The following FGL1 variants were observed in gnomAD, a reference collection of about 807,000 sequenced individuals.
FGL1 encodes fibrinogen-like protein 1.
In FGL1, 59 loss-of-function variants were observed where a neutral mutation model predicts 43.7. The observed-to-expected ratio is 1.35, with a 90% confidence interval of 1.10 to 1.68. The LOEUF is 1.68. FGL1 is among the 40% of genes most tolerant of loss of function. FGL1 has a pLI of 0.00. For missense variants in FGL1, 596 were observed against 373.0 expected (o/e 1.60, Z -4.92); for synonymous variants, 192 against 126.5 (o/e 1.52, Z -3.48).
chr8:17,893,399 A>T (rs897913564), intron 1 of FGL1, among the ~76,000 whole-genome samples: 1 of 150,634 alleles, frequency 6.6e-6, no homozygotes, highest in African/African-American at 2.4e-5. Flanking sequence ...TAACATTATT[A>T]TACATAATAT....
intron 5 of FGL1, among the ~76,000 whole-genome samples, chr8:17,871,796 G>A (rs1263408451): frequency 3.3e-5 from 5 of 152,112 alleles, no homozygotes; most frequent in South Asian, 2.1e-4. Context: ...TGAAAAACAC[G>A]TTTTTTCTCC....
chr8:17,867,560 T>G (rs2053288588), intron 7 of FGL1, among the ~76,000 whole-genome samples: 1 of 152,236 alleles, frequency 6.6e-6, no homozygotes, highest in African/African-American at 2.4e-5. Flanking sequence ...TATGTCAGCA[T>G]TACAGCTCTT....
chr8:17,869,598 G>A (rs754313519), intron 5 of FGL1, among the ~76,000 whole-genome samples: 19 of 152,164 alleles, frequency 1.2e-4, no homozygotes, highest in Admixed American at 2.6e-4. Flanking sequence ...TTTGATACTG[G>A]CTCATAAGAT....
chr8:17,887,120 G>C (rs537251298), intron 1 of FGL1, among the ~76,000 whole-genome samples: 1 of 152,062 alleles, frequency 6.6e-6, no homozygotes, highest in Non-Finnish European at 1.5e-5. Flanking sequence ...AAAGGGTGAG[G>C]CTTTCCCAGG....
intron 3 of FGL1, 64 bp from the exon 4 acceptor site, chr8:17,874,585 G>A (rs1056520106): frequency 3.0e-5 from 40 of 1,345,164 alleles, no homozygotes; most frequent in Non-Finnish European, 4.1e-5. Context: ...GCCTTAGGGA[G>A]CCTCTGAATG....
Position 17,868,499 on chromosome 8 carries a change from A to C in FGL1, c.779+49T>G, listed in dbSNP as rs1314845385. 5.1e-6 allele frequency: 7 copies of C among 1,385,662 alleles called. No homozygotes were observed. In the African/African-American group the frequency reaches 5.8e-5, roughly 11 times the overall value. 85.8% of individuals were successfully genotyped at this position (1,385,662 alleles called of 1,614,324 possible). ...ATTATATTGATAATTAATGTCTATCAGTGAGATATCATCAACTCCATTACA... is the reference window on the plus strand; with the variant it reads ...ATTATATTGATAATTAATGTCTATCCGTGAGATATCATCAACTCCATTACA... On this transcript the variant is annotated intron_variant, in intron 7 of 7. Coordinates refer to ENST00000427924, the MANE Select transcript of FGL1 (RefSeq NM_004467.4).
At chr8:17,866,690 A>G (rs190258264) in intron 7 of FGL1, among the ~76,000 whole-genome samples, 20 of 152,274 alleles carry the variant, frequency 1.3e-4, no homozygotes, top group East Asian at 9.7e-4. Flanking sequence ...TGCCCACATT[A>G]ATATACATGG....
intron 1 of FGL1, 176 bp from the exon 2 acceptor site, chr8:17,885,747 G>T: frequency 1.7e-6 from 1 of 571,460 alleles, no homozygotes; most frequent in Non-Finnish European, 3.1e-6. Flanking sequence ...GAATGACACT[G>T]AGTGTTAACT....
intron 3 of FGL1, among the ~76,000 whole-genome samples, chr8:17,877,436 C>A (rs775033640): frequency 6.6e-6 from 1 of 152,106 alleles, no homozygotes; most frequent in Non-Finnish European, 1.5e-5. Flanking sequence ...TGGGCTTTTT[C>A]CTCTTGTCTC....
chr8:17,876,621 G>C (rs2053459820), intron 3 of FGL1, among the ~76,000 whole-genome samples: 1 of 152,148 alleles, frequency 6.6e-6, no homozygotes. Context: ...TTTACATCTT[G>C]TAGTCAAGTA....
intron 1 of FGL1, among the ~76,000 whole-genome samples, chr8:17,888,627 G>A (rs894122122): frequency 7.2e-5 from 11 of 152,058 alleles, no homozygotes; most frequent in Non-Finnish European, 1.3e-4. Context: ...TTTTTTGTCT[G>A]AGGGTCCTTG....
intron 5 of FGL1, among the ~76,000 whole-genome samples, chr8:17,872,813 T>G (rs576551244): frequency 6.6e-6 from 1 of 152,162 alleles, no homozygotes; most frequent in East Asian, 1.9e-4. Flanking sequence ...TTTAGACAAA[T>G]ATTAAACTCT....
At chr8:17,891,998 C>T (rs1198159069) in intron 1 of FGL1, among the ~76,000 whole-genome samples, 1 of 152,142 alleles carries the variant, frequency 6.6e-6, no homozygotes, top group Non-Finnish European at 1.5e-5. Flanking sequence ...AAAGTTGGCT[C>T]TCTCACTGGG....
At chr8:17,891,538 A>G in intron 1 of FGL1, 1 of 242,738 alleles carries the variant, frequency 4.1e-6, no homozygotes, top group Non-Finnish European at 6.6e-6. Flanking sequence ...ACTCAGTTAC[A>G]TGTACAAAGA....
At chr8:17,874,248 T>C (rs573104574) in intron 4 of FGL1, 114 bp downstream of exon 4, 81 of 1,383,610 alleles carry the variant, frequency 5.9e-5, no homozygotes, top group Non-Finnish European at 7.7e-5. Flanking sequence ...TATTCTTCTT[T>C]AGAGAGATTG....
rs911372185 is a variant in FGL1 at position 17,864,434 on chromosome 8, G to C, written c.*158C>G. The C allele has an allele frequency of 2.9e-6, 2 of 685,860 alleles. No individual in the cohort carries two copies. Among genetic ancestry groups the C allele is most frequent in the African/African-American group, 3.6e-5 (2 of 55,072 alleles). 42.5% of individuals were successfully genotyped at this position (685,860 alleles called of 1,614,324 possible). On this transcript the variant is annotated 3_prime_UTR_variant, in exon 8 of 8. Coordinates refer to ENST00000427924, the MANE Select transcript of FGL1 (RefSeq NM_004467.4). ...ATTTGGTGAATATTGCATATCTGCT[G>C]TACTGAAAGCACATTAAGTAACAAA...
intron 5 of FGL1, among the ~76,000 whole-genome samples, chr8:17,871,211 G>T (rs1306174910): frequency 6.6e-6 from 1 of 152,078 alleles, no homozygotes; most frequent in East Asian, 1.9e-4. Flanking sequence ...TTCTATTACA[G>T]ACGAGATGCG....
chr8:17,884,829 C>CT (rs2053604041), intron 2 of FGL1, among the ~76,000 whole-genome samples: 1 of 151,954 alleles, frequency 6.6e-6, no homozygotes, highest in African/African-American at 2.4e-5. Context: ...AATGTTTTGT[C>CT]TTTTTTATTC....
chr8:17,871,042 C>A (rs1449109448), intron 5 of FGL1, among the ~76,000 whole-genome samples: 2 of 151,960 alleles, frequency 1.3e-5, no homozygotes, highest in African/African-American at 4.8e-5. Flanking sequence ...GACTGGAGTC[C>A]CTTTAAGAGG....
Sources: allele counts gnomAD v4.1 joint callset (sites outside exome capture counted in the v4.1 genomes callset), GRCh38; gene constraint gnomAD v4.1.1; transcripts MANE v1.5; gene names NCBI Gene and HGNC (gene_info 2026-07-23, HGNC 2026-07-21).